The following SLC4A4 variants were observed in gnomAD, a reference collection of about 807,000 sequenced individuals.
SLC4A4 encodes electrogenic sodium bicarbonate cotransporter 1.
SLC4A4 carries 27 observed loss-of-function variants against 111.5 expected under a neutral mutation model. The observed-to-expected ratio is 0.24, with a 90% CI of 0.18 to 0.33. The LOEUF is 0.33. SLC4A4 is among the 10% of genes least tolerant of loss of function. The pLI, the probability that SLC4A4 is intolerant of heterozygous loss-of-function variation, is 1.00. For missense variants in SLC4A4, 909 were observed against 1,315.5 expected (o/e 0.69, Z 4.78); for synonymous variants, 443 against 463.4 (o/e 0.96, Z 0.57).
chr4:71,390,111 A>AT (rs1242074872), intron 6 of SLC4A4, among the ~76,000 whole-genome samples: 1 of 151,620 alleles, frequency 6.6e-6, no homozygotes, highest in Non-Finnish European at 1.5e-5. Context: ...ATTTTATTTT[A>AT]TTTTTTTTCA....
intron 1 of SLC4A4, among the ~76,000 whole-genome samples, chr4:71,225,522 T>G (rs10017746): frequency 0.022 from 3,343 of 152,244 alleles, 121 homozygotes; most frequent in African/African-American, 0.076. Flanking sequence ...CTGACTGACA[T>G]GTAGCAAGAA....
chr4:71,347,978 T>C (rs112614377), intron 4 of SLC4A4, among the ~76,000 whole-genome samples: 24 of 152,182 alleles, frequency 1.6e-4, no homozygotes, highest in African/African-American at 5.5e-4. Context: ...CTTGCTTTCA[T>C]ATATGATGAT....
intron 16 of SLC4A4, among the ~76,000 whole-genome samples, chr4:71,519,393 A>G (rs1335281275): frequency 6.6e-6 from 1 of 152,212 alleles, no homozygotes; most frequent in African/African-American, 2.4e-5. Context: ...TGACAATGTA[A>G]AACTAGAATA....
intron 1 of SLC4A4, among the ~76,000 whole-genome samples, chr4:71,068,759 A>G (rs1204487014): frequency 1.3e-5 from 2 of 151,510 alleles, no homozygotes; most frequent in Non-Finnish European, 2.9e-5. Flanking sequence ...AGACGAGGGG[A>G]TCTCACTACG....
intron 3 of SLC4A4, among the ~76,000 whole-genome samples, chr4:71,310,499 A>C (rs909559770): frequency 4.6e-5 from 7 of 152,156 alleles, no homozygotes; most frequent in African/African-American, 1.7e-4. Context: ...CTCTGCAGAA[A>C]CCCTACAAGC....
intron 7 of SLC4A4, among the ~76,000 whole-genome samples, chr4:71,423,560 T>C (rs1242965604): frequency 6.6e-6 from 1 of 152,126 alleles, no homozygotes; most frequent in Non-Finnish European, 1.5e-5. Flanking sequence ...AGAACAAAGC[T>C]GGAGGCATCA....
At chr4:71,072,268 T>G (rs1741687022) in intron 1 of SLC4A4, among the ~76,000 whole-genome samples, 1 of 152,196 alleles carries the variant, frequency 6.6e-6, no homozygotes, top group Non-Finnish European at 1.5e-5. Context: ...GTATGAAGGA[T>G]ATGACATTAA....
intron 18 of SLC4A4, among the ~76,000 whole-genome samples, chr4:71,538,833 C>A (rs568609388): frequency 2.0e-5 from 3 of 152,124 alleles, no homozygotes; most frequent in African/African-American, 7.2e-5. Context: ...TGTTTATGCC[C>A]TGCATTAGCC....
chr4:71,068,379 A>C (rs1741584266), intron 1 of SLC4A4, among the ~76,000 whole-genome samples: 1 of 151,762 alleles, frequency 6.6e-6, no homozygotes, highest in South Asian at 2.1e-4. Flanking sequence ...TTTGTTCAAC[A>C]AACATTTTAA....
chr4:71,125,468 G>A (rs1392260142), intron 2 of SLC4A4, among the ~76,000 whole-genome samples: 2 of 152,178 alleles, frequency 1.3e-5, no homozygotes, highest in Non-Finnish European at 1.5e-5. Flanking sequence ...GCTGAGGCAC[G>A]AGAATTGTTT....
intron 2 of SLC4A4, among the ~76,000 whole-genome samples, chr4:71,173,765 T>A (rs1189555640): frequency 6.6e-6 from 1 of 152,142 alleles, no homozygotes; most frequent in Non-Finnish European, 1.5e-5. Context: ...CCTCAAATTT[T>A]GAGTAAATCT....
chr4:71,088,468 G>C (rs1742266192), intron 1 of SLC4A4, among the ~76,000 whole-genome samples: 1 of 151,972 alleles, frequency 6.6e-6, no homozygotes, highest in Non-Finnish European at 1.5e-5. Flanking sequence ...TGGTTATTTT[G>C]CTCGTTAGTT....
At position 71,105,453 on chromosome 4, in the gene SLC4A4, C is replaced by T. The variant is rs9715600; in HGVS notation, c.-2+12661C>T. 1.1e-4 allele frequency among the ~76,000 whole-genome samples: 16 copies of T among 151,436 alleles called. No individual in the cohort carries two copies. The East Asian group carries it at 2.3e-3, about 22-fold the overall frequency. On this transcript the variant is annotated intron_variant, in intron 2 of 26. Transcript: ENST00000649996. ...GTTCATATGGAACCAAAAAAGAGCC[C>T]GCATCGCCAAGGCACTCCTAAGCCA... is the stretch of plus-strand genomic sequence containing the variant.
chr4:71,138,785 C>T (rs575063862), intron 2 of SLC4A4, among the ~76,000 whole-genome samples: 2 of 152,066 alleles, frequency 1.3e-5, no homozygotes, highest in Non-Finnish European at 2.9e-5. Context: ...GCCTGTAATC[C>T]CAGCACTTTG....
chr4:71,370,019 A>G (rs1453297179), intron 6 of SLC4A4, among the ~76,000 whole-genome samples: 1 of 152,348 alleles, frequency 6.6e-6, no homozygotes, highest in Admixed American at 6.5e-5. Context: ...TCTGAGCTAA[A>G]TCTTAAAGGA....
At chr4:71,290,887 T>G (rs1307605061) in intron 3 of SLC4A4, among the ~76,000 whole-genome samples, 1 of 152,234 alleles carries the variant, frequency 6.6e-6, no homozygotes, top group African/African-American at 2.4e-5. Context: ...GTCCTGTTAT[T>G]TGGTTTATGT....
At chr4:71,439,910 A>G (rs1027946925) in intron 7 of SLC4A4, among the ~76,000 whole-genome samples, 2 of 151,676 alleles carry the variant, frequency 1.3e-5, no homozygotes, top group African/African-American at 4.8e-5. Flanking sequence ...CCCCTTACCT[A>G]TGCAACTTCT....
At chr4:71,559,939 C>T (rs1483889726) in intron 22 of SLC4A4, among the ~76,000 whole-genome samples, 154 bp from the exon 23 acceptor site, 2 of 151,754 alleles carry the variant, frequency 1.3e-5, no homozygotes, top group Non-Finnish European at 2.9e-5. Context: ...AGAGTTCACT[C>T]GGTATAAGTC....
intron 13 of SLC4A4, among the ~76,000 whole-genome samples, chr4:71,469,129 G>A (rs975195945): frequency 1.3e-5 from 2 of 151,844 alleles, no homozygotes; most frequent in African/African-American, 2.4e-5. Context: ...TCTGCAATCT[G>A]TTTTGCATTA....
Sources: allele counts gnomAD v4.1 joint callset (sites outside exome capture counted in the v4.1 genomes callset), GRCh38; gene constraint gnomAD v4.1.1; transcripts MANE v1.5; gene names NCBI Gene and HGNC (gene_info 2026-07-23, HGNC 2026-07-21).